Variants in TUNAR observed in about 807,000 individuals in gnomAD.
TUNAR encodes the protein protein TUNAR.
At chr14:95,904,958 A>G (rs1889407361) in intron 2 of TUNAR, among the ~76,000 whole-genome samples, 2 of 152,134 alleles carry the variant, frequency 1.3e-5, no homozygotes, top group Non-Finnish European at 2.9e-5. Context: ...TCATTCCACA[A>G]GGGCCCTGGA....
intron 2 of TUNAR, among the ~76,000 whole-genome samples, chr14:95,883,649 C>T (rs1394943828): frequency 6.6e-6 from 1 of 152,162 alleles, no homozygotes; most frequent in Non-Finnish European, 1.5e-5. Context: ...CACGCTGGGG[C>T]TGGTGGGGAG....
chr14:95,907,527 G>A (rs981181926), intron 2 of TUNAR, among the ~76,000 whole-genome samples: 1 of 152,212 alleles, frequency 6.6e-6, no homozygotes, highest in African/African-American at 2.4e-5. Context: ...TCTGTGGCCA[G>A]TGGTGCCTTT....
At chr14:95,909,904 A>G (rs1286736058) in intron 2 of TUNAR, among the ~76,000 whole-genome samples, 1 of 152,224 alleles carries the variant, frequency 6.6e-6, no homozygotes, top group East Asian at 1.9e-4. Flanking sequence ...TCAAAGGGCC[A>G]GCAGTAGTTC....
chr14:95,877,151 C>T (rs1439557644), exon 2 of TUNAR: 1 of 152,234 alleles, frequency 6.6e-6, no homozygotes, highest in South Asian at 2.1e-4. Context: ...CCGCGCGCCC[C>T]TCAACCGCCT....
chr14:95,910,009 C>A (rs1168521235), intron 2 of TUNAR, among the ~76,000 whole-genome samples: 2 of 152,124 alleles, frequency 1.3e-5, no homozygotes, highest in Non-Finnish European at 2.9e-5. Context: ...TGAGGGCAGG[C>A]AGGAGATGGG....
At chr14:95,897,081 G>A (rs1037749130) in intron 2 of TUNAR, among the ~76,000 whole-genome samples, 1 of 152,200 alleles carries the variant, frequency 6.6e-6, no homozygotes, top group Non-Finnish European at 1.5e-5. Context: ...AATTGTATAG[G>A]CAAGTATATC....
At chr14:95,893,189 T>G (rs959925308) in intron 2 of TUNAR, among the ~76,000 whole-genome samples, 1 of 151,802 alleles carries the variant, frequency 6.6e-6, no homozygotes, top group Non-Finnish European at 1.5e-5. Context: ...ACCCAAGCAG[T>G]TGGGGACAGG....
chr14:95,879,595 TTA>T (rs1888945112), intron 2 of TUNAR, among the ~76,000 whole-genome samples: 5 of 152,252 alleles, frequency 3.3e-5, no homozygotes, highest in Admixed American at 3.3e-4. Flanking sequence ...TTACTGATAT[TTA>T]TTTTTTAATT....
chr14:95,909,504 C>T (rs1424109673), intron 2 of TUNAR, among the ~76,000 whole-genome samples: 2 of 152,076 alleles, frequency 1.3e-5, no homozygotes, highest in African/African-American at 4.8e-5. Context: ...AGGATGGTCT[C>T]GATCTCCTGA....
chr14:95,918,842 A>T (rs781145722), intron 2 of TUNAR, among the ~76,000 whole-genome samples: 1 of 152,190 alleles, frequency 6.6e-6, no homozygotes, highest in African/African-American at 2.4e-5. Context: ...GTATCTTCTT[A>T]TACCAATCCT....
rs1297282723 is a variant in TUNAR at position 95,895,635 on chromosome 14, A to G, written c.12+18458A>G. Among the ~76,000 whole-genome samples, 3 of 152,132 alleles carry G rather than the reference A, an allele frequency of 2.0e-5. No individual in the cohort carries two copies. Among genetic ancestry groups the G allele is most frequent in the Non-Finnish European group, 4.4e-5 (3 of 68,002 alleles). On this transcript the variant is annotated intron_variant, in intron 2 of 2. Coordinates refer to ENST00000678517, the Ensembl canonical transcript of TUNAR. This position sits in a 1 kb window ranked among gnomAD's most constrained non-coding sequence, Gnocchi z 4.5. ...TTACCAATGATTTAAAGCCCTTCCA[A>G]GGGCTTCCAGGGTCTCTGATCTTCC...
intron 2 of TUNAR, among the ~76,000 whole-genome samples, chr14:95,887,062 G>A (rs1350982239): frequency 6.6e-6 from 1 of 152,154 alleles, no homozygotes; most frequent in Non-Finnish European, 1.5e-5. Context: ...TCAGGATCTG[G>A]GCATGGAAAT....
intron 2 of TUNAR, among the ~76,000 whole-genome samples, chr14:95,879,440 G>A (rs1888942182): frequency 6.6e-6 from 1 of 152,240 alleles, no homozygotes; most frequent in South Asian, 2.1e-4. Context: ...AACTGGTAAG[G>A]TTTTGAATAA....
intron 2 of TUNAR, among the ~76,000 whole-genome samples, chr14:95,898,290 G>A (rs966035054): frequency 1.6e-4 from 25 of 152,160 alleles, no homozygotes; most frequent in Non-Finnish European, 2.6e-4. Context: ...TATTTGTCTT[G>A]TCCAGAAGAT....
chr14:95,919,504 T>C (rs990627752), intron 2 of TUNAR, among the ~76,000 whole-genome samples: 2 of 146,780 alleles, frequency 1.4e-5, no homozygotes, highest in South Asian at 4.4e-4. Context: ...AGCCCAGGAG[T>C]TCAAGACCAG....
chr14:95,884,176 C>G (rs759647601), intron 2 of TUNAR, among the ~76,000 whole-genome samples: 1 of 152,146 alleles, frequency 6.6e-6, no homozygotes, highest in Non-Finnish European at 1.5e-5. Flanking sequence ...CAGAGTGAGC[C>G]TTTTAAAGGA....
At chr14:95,918,554 G>A (rs1266695692) in intron 2 of TUNAR, among the ~76,000 whole-genome samples, 8 of 152,190 alleles carry the variant, frequency 5.3e-5, no homozygotes, top group African/African-American at 1.9e-4. Context: ...TTTCCAAGTT[G>A]ATGACTTAAG....
chr14:95,881,737 T>C (rs1380311210), intron 2 of TUNAR, among the ~76,000 whole-genome samples: 2 of 152,212 alleles, frequency 1.3e-5, no homozygotes, highest in Admixed American at 1.3e-4. Flanking sequence ...TGTTCTTCGC[T>C]GTAAGTGTGC....
chr14:95,915,265 T>A (rs1240437550), intron 2 of TUNAR, among the ~76,000 whole-genome samples: 1 of 152,144 alleles, frequency 6.6e-6, no homozygotes, highest in Non-Finnish European at 1.5e-5. Flanking sequence ...AAAACACTGT[T>A]TTTTGCAGGG....
Sources: gnomAD v4.1 joint callset for allele counts (sites outside exome capture counted in the v4.1 genomes callset) on GRCh38, gnomAD v4.1.1 for gene constraint, Gnocchi (gnomAD v3.1) non-coding constraint, MANE v1.5 for transcripts, NCBI Gene and HGNC (gene_info 2026-07-23, HGNC 2026-07-21) for gene names.